TRABD2B: variants seen among roughly 807,000 people sequenced by gnomAD.
TRABD2B encodes metalloprotease TIKI2.
Under a neutral mutation model 40.1 loss-of-function variants are expected in TRABD2B, and 14 were observed. That is an observed-to-expected ratio of 0.35 (90% CI 0.23 to 0.55). The LOEUF is 0.55. Ranked by LOEUF, TRABD2B falls within the 20% of genes least tolerant of loss-of-function variation. The pLI, the probability that TRABD2B is intolerant of heterozygous loss-of-function variation, is 0.90. For synonymous variants in TRABD2B, 263 were observed against 277.0 expected, an observed-to-expected ratio of 0.95 and a Z score of 0.50; for missense variants, 541 against 648.6, an observed-to-expected ratio of 0.83 and a Z score of 1.80.
rs545918024 is a variant in TRABD2B at position 47,773,450 on chromosome 1, A to G, written c.1349+1720T>C. On this transcript the variant is annotated intron_variant, in intron 6 of 6. Transcript: ENST00000606738. ...CACCCAAATCTCATCTTGAATCGTA[A>G]CTCCCATAATTCCCACGTGTTGTGG... Among the ~76,000 whole-genome samples the G allele has an allele frequency of 3.0e-4, 45 of 152,260 alleles. No homozygotes were observed. In the South Asian group the frequency reaches 9.3e-3, roughly 32 times the overall value.
intron 2 of TRABD2B, among the ~76,000 whole-genome samples, chr1:47,964,911 C>T (rs922610132): frequency 1.3e-5 from 2 of 151,956 alleles, no homozygotes; most frequent in South Asian, 2.1e-4. Context: ...CACTTCCTAC[C>T]CCAGGCAGAC....
At chr1:47,786,764 A>G (rs1358253795) in intron 4 of TRABD2B, among the ~76,000 whole-genome samples, 1 of 152,140 alleles carries the variant, frequency 6.6e-6, no homozygotes, top group African/African-American at 2.4e-5. Context: ...GCTGGAGTGC[A>G]GCCTTGGCTC....
At chr1:47,980,413 G>C (rs1645824621) in intron 2 of TRABD2B, among the ~76,000 whole-genome samples, 1 of 152,150 alleles carries the variant, frequency 6.6e-6, no homozygotes, top group South Asian at 2.1e-4. Flanking sequence ...TCATCCATTT[G>C]GTAGCATCCA....
chr1:47,764,811 G>A lies in TRABD2B; in HGVS notation c.*1091C>T, dbSNP rs754276859. 1 of 152,280 alleles carries A rather than the reference G, an allele frequency of 6.6e-6. No individual in the cohort carries two copies. The highest frequency in any genetic ancestry group is 1.5e-5 in the Non-Finnish European group (1 of 68,110). 9.4% of individuals were successfully genotyped at this position (152,280 alleles called of 1,614,324 possible). On this transcript the variant is annotated 3_prime_UTR_variant, in exon 7 of 7. Coordinates refer to ENST00000606738, the MANE Select transcript of TRABD2B (RefSeq NM_001194986.2). ...TGATCTGGGGCCACATCCTGGCTGG[G>A]GGATCTTCAGCAAGTCCCTTCGCCT...
At chr1:47,944,543 G>A (rs932607084) in intron 2 of TRABD2B, among the ~76,000 whole-genome samples, 1 of 152,178 alleles carries the variant, frequency 6.6e-6, no homozygotes, top group African/African-American at 2.4e-5. Context: ...GCCAGACATG[G>A]TGAAAAGAGC....
chr1:47,767,819 C>T (rs767686183), intron 6 of TRABD2B, among the ~76,000 whole-genome samples: 1 of 152,210 alleles, frequency 6.6e-6, no homozygotes, highest in Non-Finnish European at 1.5e-5. Context: ...TCACTCCGGG[C>T]TGCATTTCCT....
In TRABD2B at chr1:47,994,312, A is replaced by T. The variant is rs1056660626; in HGVS notation, c.388T>A (p.Leu130Met). The T allele has an allele frequency of 2.6e-6, 4 of 1,536,234 alleles. No individual in the cohort carries two copies. The African/African-American group carries it at 4.1e-5, about 16-fold the overall frequency. Residue 130 changes from leucine (L) to methionine (M), a missense_variant, in exon 2 of 7, where the codon TTG becomes ATG. Physicochemically the swap from Leu to Met is conservative, Grantham distance 15. Coordinates refer to ENST00000606738, the MANE Select transcript of TRABD2B (RefSeq NM_001194986.2). The surrounding 1 kb of genome is among the most constrained non-coding windows in gnomAD (Gnocchi z 6.7). ...GGCGTCATCCAGGAGGGCATCATCA[A>T]CTTCACGTAGTCCAGGTGGCGCTTC... ...RLKRHLDYVK[L>M]MMPSWMTPAQ...
At chr1:47,829,138 C>T (rs1409252127) in intron 2 of TRABD2B, among the ~76,000 whole-genome samples, 1 of 152,168 alleles carries the variant, frequency 6.6e-6, no homozygotes, top group Admixed American at 6.5e-5. Context: ...TATGTTGGGA[C>T]ATCAGTATGG....
intron 2 of TRABD2B, among the ~76,000 whole-genome samples, chr1:47,951,479 G>T (rs1296669455): frequency 6.6e-6 from 1 of 152,186 alleles, no homozygotes; most frequent in East Asian, 1.9e-4. Flanking sequence ...CCAGGGCCAG[G>T]GAGTTCCTTT....
Position 47,982,046 on chromosome 1 carries a change from G to A in TRABD2B, c.666+11988C>T, listed in dbSNP as rs188573574. ...GTCCCAACTCCAGAGAGTAGTGGGA[G>A]ACCACAGTGAAGGCAAGCCAGAATG... On this transcript the variant is annotated intron_variant, in intron 2 of 6. Transcript: ENST00000606738. Among the ~76,000 whole-genome samples the A allele has an allele frequency of 1.6e-3, 249 of 152,280 alleles. 1 individual carries two copies. Among genetic ancestry groups the A allele is most frequent in the African/African-American group, 5.5e-3 (227 of 41,558 alleles).
intron 2 of TRABD2B, among the ~76,000 whole-genome samples, chr1:47,989,083 CA>C (rs1398602660): frequency 6.6e-6 from 1 of 152,170 alleles, no homozygotes; most frequent in Non-Finnish European, 1.5e-5. Flanking sequence ...TGTAAATACA[CA>C]GAAGGCATCA....
At chr1:47,933,054 A>G (rs969086903) in intron 2 of TRABD2B, among the ~76,000 whole-genome samples, 4 of 151,942 alleles carry the variant, frequency 2.6e-5, no homozygotes, top group African/African-American at 4.8e-5. Context: ...AATTGAACTC[A>G]GTCTCCCATC....
intron 4 of TRABD2B, among the ~76,000 whole-genome samples, chr1:47,786,350 A>G (rs965270829): frequency 6.6e-6 from 1 of 152,182 alleles, no homozygotes; most frequent in Non-Finnish European, 1.5e-5. Flanking sequence ...TCCTTCACTG[A>G]TGGAGCAGCC....
intron 2 of TRABD2B, among the ~76,000 whole-genome samples, chr1:47,907,551 G>A (rs1333656058): frequency 2.6e-5 from 4 of 152,288 alleles, no homozygotes; most frequent in Non-Finnish European, 4.4e-5. Context: ...AAATAGGGAG[G>A]GGAACTGGGA....
chr1:47,954,185 T>C (rs1645385799), intron 2 of TRABD2B, among the ~76,000 whole-genome samples: 1 of 151,930 alleles, frequency 6.6e-6, no homozygotes, highest in African/African-American at 2.4e-5. Context: ...TGGAGATGAG[T>C]GATTCCTGGC....
intron 2 of TRABD2B, among the ~76,000 whole-genome samples, chr1:47,895,670 C>T (rs1049338291): frequency 9.2e-5 from 14 of 152,226 alleles, no homozygotes; most frequent in Non-Finnish European, 1.9e-4. Flanking sequence ...GTTCACTCCT[C>T]ATTTATTTTC....
At chr1:47,874,421 C>T (rs12403424) in intron 2 of TRABD2B, among the ~76,000 whole-genome samples, 37,522 of 145,002 alleles carry the variant, frequency 0.26, 2,638 homozygotes, top group East Asian at 0.41. Context: ...TACAGGCGCC[C>T]GCCACCGCGC....
At chr1:47,855,852 G>A (rs769006423) in intron 2 of TRABD2B, among the ~76,000 whole-genome samples, 3 of 152,194 alleles carry the variant, frequency 2.0e-5, no homozygotes, top group Non-Finnish European at 2.9e-5. Context: ...ATCAGAACTT[G>A]ACCATGCTAA....
intron 2 of TRABD2B, among the ~76,000 whole-genome samples, chr1:47,932,065 G>A (rs951879): frequency 0.023 from 3,556 of 152,284 alleles, 106 homozygotes; most frequent in Admixed American, 0.09. Flanking sequence ...AAGAGTACCT[G>A]AAATCAAGAG....
Sources: gnomAD v4.1 joint callset for allele counts (sites outside exome capture counted in the v4.1 genomes callset) on GRCh38, gnomAD v4.1.1 for gene constraint, Gnocchi (gnomAD v3.1) non-coding constraint, MANE v1.5 for transcripts, NCBI Gene and HGNC (gene_info 2026-07-23, HGNC 2026-07-21) for gene names.